The following EPC2 variants were observed in gnomAD, a reference collection of about 807,000 sequenced individuals.
EPC2 encodes the protein enhancer of polycomb 2.
EPC2 carries 14 observed loss-of-function variants against 92.1 expected under a neutral mutation model. The observed-to-expected ratio is 0.15, with a 90% CI of 0.10 to 0.24. The LOEUF (loss-of-function observed/expected upper bound fraction) is 0.24, where lower values mean the gene tolerates loss of function less well. Among genes scored for constraint, EPC2 ranks in the 10% least tolerant of loss-of-function variants. EPC2 has a pLI of 1.00. For missense variants in EPC2, 755 were observed against 971.5 expected (o/e 0.78, Z 2.96); for synonymous variants, 340 against 334.7 (o/e 1.02, Z -0.17).
chr2:148,731,740 A>G (rs936197097), intron 2 of EPC2, among the ~76,000 whole-genome samples: 2 of 152,204 alleles, frequency 1.3e-5, no homozygotes, highest in Non-Finnish European at 2.9e-5. Flanking sequence ...GCTTTGTATA[A>G]ACATGGATAT....
At chr2:148,755,470 C>A (rs1284510940) in intron 4 of EPC2, among the ~76,000 whole-genome samples, 1 of 151,964 alleles carries the variant, frequency 6.6e-6, no homozygotes, top group African/African-American at 2.4e-5. Context: ...TTAAATATGT[C>A]ATATATATGT....
intron 2 of EPC2, among the ~76,000 whole-genome samples, chr2:148,705,355 A>C (rs1426594063): frequency 6.6e-6 from 1 of 152,200 alleles, no homozygotes; most frequent in African/African-American, 2.4e-5. Context: ...AAGTTTTAGA[A>C]TATAAAATTC....
intron 3 of EPC2, among the ~76,000 whole-genome samples, chr2:148,750,601 A>T (rs1041430812): frequency 2.6e-5 from 4 of 152,036 alleles, no homozygotes; most frequent in African/African-American, 9.7e-5. Context: ...TGATGTTTTC[A>T]TTTCAGATTG....
chr2:148,665,418 T>A (rs1681037629), intron 1 of EPC2, among the ~76,000 whole-genome samples: 1 of 152,212 alleles, frequency 6.6e-6, no homozygotes, highest in African/African-American at 2.4e-5. Flanking sequence ...TAAGCTACAT[T>A]GATGTTAGTG....
At chr2:148,755,090 A>G (rs1683160242) in intron 4 of EPC2, among the ~76,000 whole-genome samples, 1 of 152,196 alleles carries the variant, frequency 6.6e-6, no homozygotes, top group Non-Finnish European at 1.5e-5. Flanking sequence ...CAAGGATAGT[A>G]TATTTTAGGA....
Position 148,644,979 on chromosome 2 carries a change from C to G in EPC2, c.-39C>G. On this transcript the variant is annotated 5_prime_UTR_variant, in exon 1 of 14. Coordinates refer to ENST00000258484, the MANE Select transcript of EPC2 (RefSeq NM_015630.4). ...CCTCCCCCCCTCCCCGCCCGCCCCG[C>G]CGCCGCCGCCCGGGCTGTTCCTGTA... 6.5e-7 allele frequency: 1 copy of G among 1,532,828 alleles called. No homozygotes were observed. The highest frequency in any genetic ancestry group is 8.8e-7 in the Non-Finnish European group (1 of 1,138,776). The allele number at this position is 1,532,828 out of a possible 1,614,324, so 95.0% of individuals were successfully genotyped here.
At chr2:148,707,157 A>G (rs373350166) in intron 2 of EPC2, among the ~76,000 whole-genome samples, 1 of 152,242 alleles carries the variant, frequency 6.6e-6, no homozygotes, top group Admixed American at 6.5e-5. Context: ...AGGAAGATCT[A>G]CCAAGCAAAT....
At chr2:148,697,378 C>T (rs964658827) in intron 2 of EPC2, among the ~76,000 whole-genome samples, 3 of 151,182 alleles carry the variant, frequency 2.0e-5, no homozygotes, top group East Asian at 1.9e-4. Context: ...AAAAGGCAGA[C>T]GTGTATAACT....
intron 2 of EPC2, among the ~76,000 whole-genome samples, chr2:148,713,354 A>C (rs1682193606): frequency 6.6e-6 from 1 of 152,226 alleles, no homozygotes; most frequent in Non-Finnish European, 1.5e-5. Context: ...ACACAAAAAA[A>C]TTTATAAATA....
chr2:148,653,095 T>C (rs1680718090), intron 1 of EPC2, among the ~76,000 whole-genome samples: 1 of 152,204 alleles, frequency 6.6e-6, no homozygotes, highest in African/African-American at 2.4e-5. Context: ...AGACTAAATG[T>C]CTTGAGGGAA....
At chr2:148,666,779 C>T (rs1217592826) in intron 1 of EPC2, among the ~76,000 whole-genome samples, 1 of 152,088 alleles carries the variant, frequency 6.6e-6, no homozygotes, top group East Asian at 1.9e-4. Flanking sequence ...ATCAGAAATT[C>T]TGGTGGTTTG....
chr2:148,739,833 C>CTTTTTTT (rs144868417), intron 2 of EPC2, among the ~76,000 whole-genome samples: 298 of 81,280 alleles, frequency 3.7e-3, no homozygotes, highest in Non-Finnish European at 4.6e-3. Context: ...TCTTCTTCTT[C>CTTTTTTT]TTTTTTTTTT....
intron 1 of EPC2, among the ~76,000 whole-genome samples, chr2:148,672,903 T>C (rs975878363): frequency 6.6e-6 from 1 of 152,190 alleles, no homozygotes; most frequent in African/African-American, 2.4e-5. Flanking sequence ...TCCCTCAGTT[T>C]TTACTTATCT....
rs1434635916 is a variant in EPC2, at chr2:148,771,130, C to T, written c.1463C>T (p.Ser488Phe). 1 of 1,613,840 alleles carries T rather than the reference C, an allele frequency of 6.2e-7. No homozygotes were observed. Among genetic ancestry groups the T allele is most frequent in the Non-Finnish European group, 8.5e-7 (1 of 1,179,790 alleles). Residue 488 changes from serine to phenylalanine, a missense_variant, in exon 10 of 14, where the codon TCC (serine) becomes TTC (phenylalanine). Ser to Phe is a radical substitution (Grantham distance 155). Around this residue, in one of 4 missense-constraint regions of EPC2, gnomAD observed 509 missense variants for 607.7 expected, o/e 0.84. Coordinates refer to ENST00000258484, the MANE Select transcript of EPC2 (RefSeq NM_015630.4). ...PEMLNSFSSS[S>F]QTIDFSSNFS... ...ATGCTGAATAGTTTTTCAAGCTCTT[C>T]CCAAACTATAGACTTTTCTTCTAAT...
Position 148,771,196 on chromosome 2 carries a change from G to A in EPC2, c.1529G>A (p.Arg510Lys). 6.2e-7 allele frequency: 1 copy of A among 1,613,930 alleles called. No homozygotes were observed. The highest frequency in any genetic ancestry group is 1.3e-5 in the African/African-American group (1 of 75,042). ...TNASSKHCEN[R>K]LSLSEILSNI... ...GCTTCCAGTAAACATTGTGAAAATA[G>A]ACTGTCTCTTTCTGAAATATTAAGC... The change falls in exon 10 of 14, where the codon AGA becomes AAA. Residue 510 changes from arginine to lysine, a missense_variant. This residue lies in a region of EPC2 where 509 missense variants were observed against 607.7 expected (regional missense o/e 0.84). Transcript: ENST00000258484.
chr2:148,678,283 C>A, intron 1 of EPC2, among the ~76,000 whole-genome samples: 1 of 152,252 alleles, frequency 6.6e-6, no homozygotes, highest in Non-Finnish European at 1.5e-5. Flanking sequence ...AATCCCTGAG[C>A]TAGACACAAA....
chr2:148,771,422 A>G (rs1341687997), intron 10 of EPC2, 35 bp downstream of exon 10: 9 of 1,485,076 alleles, frequency 6.1e-6, no homozygotes, highest in African/African-American at 1.4e-5. Flanking sequence ...ATATCCTGCT[A>G]TTCTTTTTTA....
intron 2 of EPC2, among the ~76,000 whole-genome samples, chr2:148,722,915 A>G (rs1249597440): frequency 6.6e-6 from 1 of 152,212 alleles, no homozygotes; most frequent in African/African-American, 2.4e-5. Context: ...AAACTAAGAC[A>G]GGAACAGAAA....
chr2:148,728,322 G>T (rs1440277961), intron 2 of EPC2, among the ~76,000 whole-genome samples: 1 of 150,768 alleles, frequency 6.6e-6, no homozygotes, highest in African/African-American at 2.4e-5. Flanking sequence ...TGTTTGTTTT[G>T]CTTAATAATA....
Sources: gnomAD v4.1 joint callset for allele counts (sites outside exome capture counted in the v4.1 genomes callset) on GRCh38, gnomAD v4.1.1 for gene constraint, gnomAD v4.1.1 regional missense constraint, MANE v1.5 for transcripts, NCBI Gene and HGNC (gene_info 2026-07-23, HGNC 2026-07-21) for gene names.